The following TPRX1 variants were observed in gnomAD, a reference collection of about 807,000 sequenced individuals.
TPRX1 encodes the protein tetrapeptide repeat homeobox 1.
TPRX1 carries 2 observed loss-of-function variants against 8.1 expected under a neutral mutation model. The ratio of observed to expected loss-of-function variants is 0.25; its 90% confidence interval spans 0.10 to 0.78. The LOEUF (loss-of-function observed/expected upper bound fraction) is 0.78, where lower values mean the gene tolerates loss of function less well. TPRX1 is among the 30% of genes least tolerant of loss of function. The pLI is 0.70. For synonymous variants in TPRX1, 257 were observed against 254.1 expected (o/e 1.01, Z -0.11); for missense variants, 517 against 586.9 (o/e 0.88, Z 1.23).
At position 47,801,937 on chromosome 19, in the gene TPRX1, T is replaced by A. The variant is rs759436042; in HGVS notation, c.1365A>T (p.Leu455=). 4.3e-6 allele frequency: 7 copies of A among 1,613,786 alleles called. No individual in the cohort carries two copies. The African/African-American group carries it at 9.4e-5, about 22-fold the overall frequency. ...AGGATCCCTCCAAGGGGTCTAGGGG[T>A]AGGAGCAGCTCTGTGAAGTGAGGGA... The change falls in exon 4 of 4, where the codon CTA becomes CTT. Residue 455 remains leucine, a synonymous_variant. Coordinates refer to ENST00000535759, the Ensembl canonical transcript of TPRX1.
exon 4 of TPRX1, chr19:47,802,866 C>A (rs774201344): frequency 1.3e-6 from 2 of 1,599,202 alleles, no homozygotes; most frequent in East Asian, 4.5e-5. Flanking sequence ...GCAGAGGCTG[C>A]AGGGACTAGG....
intron 2 of TPRX1, among the ~76,000 whole-genome samples, chr19:47,805,005 T>C (rs929475944): frequency 1.1e-4 from 16 of 152,198 alleles, no homozygotes; most frequent in African/African-American, 9.6e-5. Context: ...GTCCAGCCAC[T>C]ATCCCTCCTT....
At chr19:47,805,088 G>A (rs1967723396) in intron 2 of TPRX1, among the ~76,000 whole-genome samples, 1 of 152,166 alleles carries the variant, frequency 6.6e-6, no homozygotes, top group African/African-American at 2.4e-5. Flanking sequence ...TCCAAAAATT[G>A]CTCCCTAGGT....
chr19:47,815,159 TATA>T (rs1468375054), intron 2 of TPRX1, among the ~76,000 whole-genome samples: 3 of 92,966 alleles, frequency 3.2e-5, no homozygotes, highest in Admixed American at 1.2e-4. Flanking sequence ...TATATATATA[TATA>T]TTTTTTTTTT....
chr19:47,802,812 C>T, exon 4 of TPRX1: 1 of 1,601,244 alleles, frequency 6.2e-7, no homozygotes, highest in South Asian at 1.1e-5. Context: ...ATCGTGGGTT[C>T]CGCCGCTGGA....
intron 2 of TPRX1, among the ~76,000 whole-genome samples, chr19:47,805,634 T>G (rs1458986743): frequency 6.6e-6 from 1 of 152,124 alleles, no homozygotes; most frequent in African/African-American, 2.4e-5. Context: ...TCGCTCATTG[T>G]TTTCACCTGC....
chr19:47,803,086 G>GC (rs1217016926), intron 3 of TPRX1, 106 bp from the exon 3 acceptor site: 7 of 1,144,898 alleles, frequency 6.1e-6, no homozygotes, highest in South Asian at 1.6e-5. Flanking sequence ...GTGCTCAACA[G>GC]CCCCCCATCC....
intron 2 of TPRX1, among the ~76,000 whole-genome samples, chr19:47,812,979 C>T (rs1406690089): frequency 2.7e-5 from 4 of 150,846 alleles, no homozygotes; most frequent in South Asian, 2.1e-4. Flanking sequence ...TGGTGGCACG[C>T]GCCTGTAATC....
intron 2 of TPRX1, among the ~76,000 whole-genome samples, chr19:47,818,309 T>TCCCC: frequency 1.3e-5 from 1 of 76,644 alleles, no homozygotes; most frequent in Admixed American, 1.4e-4. Context: ...CACCCATCCA[T>TCCCC]CACCCATCCA....
intron 2 of TPRX1, among the ~76,000 whole-genome samples, chr19:47,817,613 C>T (rs1019545474): frequency 6.6e-6 from 1 of 152,216 alleles, no homozygotes; most frequent in Admixed American, 6.5e-5. Context: ...GGCCCCCGAG[C>T]CCCGCTCTTC....
intron 2 of TPRX1, among the ~76,000 whole-genome samples, chr19:47,817,902 C>G (rs1967858817): frequency 6.6e-6 from 1 of 152,258 alleles, no homozygotes; most frequent in Admixed American, 6.5e-5. Context: ...GCCAGCCTCT[C>G]TCTGCCGCAT....
At chr19:47,809,558 C>T (rs1054932256) in intron 2 of TPRX1, among the ~76,000 whole-genome samples, 3 of 152,092 alleles carry the variant, frequency 2.0e-5, no homozygotes, top group Admixed American at 6.6e-5. Context: ...GCTGAGATTA[C>T]GGGTGTGAGC....
At chr19:47,818,880 C>A in intron 1 of TPRX1, 1 of 270,116 alleles carries the variant, frequency 3.7e-6, no homozygotes, top group South Asian at 4.2e-5. Flanking sequence ...TCTCCTAATG[C>A]TATTCCTCCC....
chr19:47,803,899 G>A (rs1468543876), intron 2 of TPRX1, among the ~76,000 whole-genome samples: 1 of 152,038 alleles, frequency 6.6e-6, no homozygotes, highest in East Asian at 1.9e-4. Flanking sequence ...CAGCGTAGGC[G>A]CCTCACCTCG....
Position 47,802,049 on chromosome 19 carries a change from A to T in TPRX1, c.1253T>A (p.Ile418Asn), listed in dbSNP as rs148675311. 71 of 1,606,104 alleles carry T rather than the reference A, an allele frequency of 4.4e-5. No individual in the cohort carries two copies. In the African/African-American group the frequency reaches 7.5e-4, roughly 17 times the overall value. ...GGCTGGGAGTGATCCTGGGCCTGGG[A>T]TTGGAGCTGGGACTGAGCCTGAGCC... Residue 418 changes from isoleucine to asparagine, a missense_variant, in exon 4 of 4, where the codon ATC becomes AAC. Transcript: ENST00000535759.
intron 2 of TPRX1, among the ~76,000 whole-genome samples, chr19:47,812,323 G>T (rs1241051768): frequency 2.0e-5 from 3 of 152,138 alleles, no homozygotes. Context: ...TAGGCTGGGC[G>T]CTATGGCTCA....
At chr19:47,818,092 G>A (rs984764883) in intron 2 of TPRX1, among the ~76,000 whole-genome samples, 1 of 152,210 alleles carries the variant, frequency 6.6e-6, no homozygotes, top group Non-Finnish European at 1.5e-5. Flanking sequence ...CCCACAGTCT[G>A]ACCTCACAGT....
chr19:47,811,210 G>T (rs1452142419), intron 2 of TPRX1, among the ~76,000 whole-genome samples: 1 of 151,442 alleles, frequency 6.6e-6, no homozygotes, highest in Non-Finnish European at 1.5e-5. Context: ...CACCATGTTG[G>T]CCAGGATGGT....
At chr19:47,807,171 G>A (rs908909661) in intron 2 of TPRX1, among the ~76,000 whole-genome samples, 1 of 152,134 alleles carries the variant, frequency 6.6e-6, no homozygotes, top group African/African-American at 2.4e-5. Flanking sequence ...CTCCCAAAGT[G>A]CTGGGATTAC....
Sources: allele counts gnomAD v4.1 joint callset (sites outside exome capture counted in the v4.1 genomes callset), GRCh38; gene constraint gnomAD v4.1.1; transcripts MANE v1.5; gene names NCBI Gene and HGNC (gene_info 2026-07-23, HGNC 2026-07-21).